The following PHF21B variants were observed in gnomAD, a reference collection of about 807,000 sequenced individuals.
PHF21B encodes PHD finger protein 4.
In PHF21B, 22 loss-of-function variants were observed where a neutral mutation model predicts 62.2. That is an observed-to-expected ratio of 0.35 (90% CI 0.25 to 0.51). PHF21B has a LOEUF of 0.51. Ranked by LOEUF, PHF21B falls within the 20% of genes least tolerant of loss-of-function variation. The pLI is 0.97. For missense variants in PHF21B, 701 were observed against 707.9 expected (o/e 0.99, Z 0.11); for synonymous variants, 341 against 314.7 (o/e 1.08, Z -0.88).
chr22:45,009,999 C>G lies in PHF21B; in HGVS notation c.-450G>C, dbSNP rs1379870632. The G allele has an allele frequency of 4.8e-5, 7 of 146,032 alleles. No homozygotes were observed. Among genetic ancestry groups the G allele is most frequent in the Non-Finnish European group, 1.1e-4 (7 of 65,554 alleles). The allele number at this position is 146,032 out of a possible 1,614,324, so 9.0% of individuals were successfully genotyped here. On this transcript the variant is annotated 5_prime_UTR_variant, in exon 1 of 13. Transcript: ENST00000313237. This position sits in a 1 kb window ranked among gnomAD's most constrained non-coding sequence, Gnocchi z 5.9. ...GTTGTGCCTCGGCACGATGCTAATT[C>G]GGCAGTGCCCGGATGGAGCGGGCCG...
intron 2 of PHF21B, among the ~76,000 whole-genome samples, chr22:44,990,364 T>C (rs2073023217): frequency 6.6e-6 from 1 of 152,170 alleles, no homozygotes; most frequent in African/African-American, 2.4e-5. Context: ...TGCACACCCA[T>C]GTTCCTAAGA....
chr22:44,924,549 T>C (rs528214938), intron 2 of PHF21B, among the ~76,000 whole-genome samples: 6 of 152,322 alleles, frequency 3.9e-5, no homozygotes, highest in Admixed American at 3.3e-4. Context: ...CGAGGGAGTT[T>C]GTGTCCTCTC....
chr22:44,889,703 T>A, intron 9 of PHF21B, 57 bp downstream of exon 9: 1 of 1,559,994 alleles, frequency 6.4e-7, no homozygotes, highest in South Asian at 1.2e-5. Context: ...CTATGAGGAC[T>A]GTACTGAAAA....
chr22:44,984,502 T>C (rs1053874468), intron 2 of PHF21B, among the ~76,000 whole-genome samples: 4 of 152,192 alleles, frequency 2.6e-5, no homozygotes, highest in African/African-American at 9.6e-5. Flanking sequence ...GGCACCAGGC[T>C]TCCGCAGGTG....
At position 45,007,105 on chromosome 22, in the gene PHF21B, G is replaced by C. The variant is rs529435899; in HGVS notation, c.120+1440C>G. ...GGACGGGGGCGCGCGGCCGGGGGCG[G>C]GGGGGCCGCGGCACCAACTGAAAAG... is the stretch of plus-strand genomic sequence containing the variant. On this transcript the variant is annotated intron_variant, in intron 2 of 12. Transcript: ENST00000313237. Among the ~76,000 whole-genome samples, 1,294 of 148,374 alleles carry C rather than the reference G, an allele frequency of 8.7e-3. 9 individuals carry two copies. Among genetic ancestry groups the C allele is most frequent in the Non-Finnish European group, 0.014 (912 of 66,676 alleles).
At chr22:45,008,884 G>T in intron 1 of PHF21B, 1 of 1,178,000 alleles carries the variant, frequency 8.5e-7, no homozygotes, top group Non-Finnish European at 1.0e-6. Context: ...AAGTTTGCAG[G>T]CCGGGGTGCG....
intron 2 of PHF21B, among the ~76,000 whole-genome samples, chr22:44,925,230 G>C (rs76489700): frequency 0.021 from 3,223 of 152,242 alleles, 132 homozygotes; most frequent in African/African-American, 0.074. Flanking sequence ...GTGGCAATGG[G>C]TTCACATTTG....
At chr22:44,946,954 G>A (rs781022099) in intron 2 of PHF21B, among the ~76,000 whole-genome samples, 4 of 152,212 alleles carry the variant, frequency 2.6e-5, no homozygotes, top group African/African-American at 4.8e-5. Flanking sequence ...CAGGATAGAG[G>A]CTGGCCAAGC....
At chr22:44,896,639 C>G (rs2147265138) in intron 5 of PHF21B, among the ~76,000 whole-genome samples, 1 of 152,240 alleles carries the variant, frequency 6.6e-6, no homozygotes, top group South Asian at 2.1e-4. Flanking sequence ...ATAAATTGAA[C>G]ATCATGAACC....
intron 2 of PHF21B, among the ~76,000 whole-genome samples, chr22:44,996,008 G>C (rs2147516238): frequency 6.6e-6 from 1 of 152,144 alleles, no homozygotes; most frequent in East Asian, 1.9e-4. Flanking sequence ...CTTCTGGCCG[G>C]GGATATGTGG....
rs539065968 is a variant in PHF21B, at chr22:44,954,546, C to G, written c.121-34056G>C. Among the ~76,000 whole-genome samples, 218 of 152,364 alleles carry G rather than the reference C, an allele frequency of 1.4e-3. 2 individuals are homozygous for G. The highest frequency in any genetic ancestry group is 4.4e-3 in the African/African-American group (184 of 41,582). On this transcript the variant is annotated intron_variant, in intron 2 of 12. Transcript: ENST00000313237. ...GAGCCAGCGTGTGCAACACACAAAG[C>G]GTTTCTGCATGAAGCCCTGTCTGCA...
intron 2 of PHF21B, among the ~76,000 whole-genome samples, chr22:44,987,451 G>A (rs1024339783): frequency 3.9e-5 from 6 of 152,184 alleles, no homozygotes; most frequent in South Asian, 4.1e-4. Context: ...TCTACAAGGC[G>A]TGCACTCAGA....
intron 2 of PHF21B, among the ~76,000 whole-genome samples, chr22:44,954,267 G>C (rs1204825612): frequency 1.3e-5 from 2 of 152,222 alleles, no homozygotes; most frequent in Non-Finnish European, 2.9e-5. Flanking sequence ...CCTTCTGAAA[G>C]AATCTGTGGT....
At chr22:44,915,982 T>C (rs558475093) in intron 4 of PHF21B, among the ~76,000 whole-genome samples, 1 of 152,370 alleles carries the variant, frequency 6.6e-6, no homozygotes, top group African/African-American at 2.4e-5. Flanking sequence ...AATGAATTCA[T>C]TCATTGACCA....
chr22:44,961,028 C>T (rs1053098866), intron 2 of PHF21B, among the ~76,000 whole-genome samples: 3 of 145,726 alleles, frequency 2.1e-5, no homozygotes, highest in African/African-American at 7.6e-5. Context: ...GCGATCTCGG[C>T]TCACTGCAAC....
intron 9 of PHF21B, 111 bp from the exon 10 acceptor site, chr22:44,888,232 T>C (rs921829392): frequency 1.8e-5 from 21 of 1,190,934 alleles, no homozygotes; most frequent in Non-Finnish European, 2.3e-5. Context: ...TGGCCGCTCT[T>C]CTGCCAACGT....
intron 2 of PHF21B, among the ~76,000 whole-genome samples, chr22:44,929,637 G>T (rs887658569): frequency 6.6e-6 from 1 of 152,326 alleles, no homozygotes; most frequent in Middle Eastern, 3.4e-3. Flanking sequence ...AAAGAAAGAG[G>T]GCAAGAACTG....
chr22:44,925,446 G>A (rs1358797126), intron 2 of PHF21B, among the ~76,000 whole-genome samples: 2 of 152,130 alleles, frequency 1.3e-5, no homozygotes, highest in Non-Finnish European at 2.9e-5. Context: ...CTCGGACGGC[G>A]GTTCCTGCCT....
At chr22:44,978,453 G>A (rs1290642258) in intron 2 of PHF21B, among the ~76,000 whole-genome samples, 4 of 152,190 alleles carry the variant, frequency 2.6e-5, no homozygotes, top group Non-Finnish European at 5.9e-5. Context: ...TCCGCTTCCC[G>A]GGTTCAAGCG....
Sources: gnomAD v4.1 joint callset for allele counts (sites outside exome capture counted in the v4.1 genomes callset) on GRCh38, gnomAD v4.1.1 for gene constraint, Gnocchi (gnomAD v3.1) non-coding constraint, MANE v1.5 for transcripts, NCBI Gene and HGNC (gene_info 2026-07-23, HGNC 2026-07-21) for gene names.